DOCK6: variants seen among roughly 807,000 people sequenced by gnomAD.
DOCK6 encodes dedicator of cytokinesis 6, also known as dedicator of cytokinesis protein 6.
In DOCK6, 167 loss-of-function variants were observed where a neutral mutation model predicts 230.3. That is an observed-to-expected ratio of 0.73 (90% CI 0.64 to 0.82). The LOEUF is 0.82. Among genes scored for constraint, DOCK6 ranks in the 40% least tolerant of loss-of-function variants. The pLI is 0.00. For synonymous variants in DOCK6, 1,148 were observed against 1,185.0 expected (o/e 0.97, Z 0.64); for missense variants, 2,598 against 2,825.8 (o/e 0.92, Z 1.83).
chr19:11,228,486 T>A (rs2079705901), intron 23 of DOCK6, among the ~76,000 whole-genome samples: 1 of 150,766 alleles, frequency 6.6e-6, no homozygotes, highest in Admixed American at 6.6e-5. Context: ...GCCTCTCACC[T>A]CCCTAGGTTG....
chr19:11,244,061 T>A (rs947759036), intron 9 of DOCK6, among the ~76,000 whole-genome samples, 179 bp from the exon 10 acceptor site: 3 of 152,242 alleles, frequency 2.0e-5, no homozygotes, highest in African/African-American at 7.2e-5. Context: ...AGTGTTGGCC[T>A]GCCTGGTGGC....
chr19:11,204,152 G>T, intron 40 of DOCK6, 48 bp downstream of exon 40: 1 of 1,533,008 alleles, frequency 6.5e-7, no homozygotes, highest in East Asian at 2.5e-5. Flanking sequence ...GAGTGGGGAT[G>T]AGGAGTGGGG....
chr19:11,201,787 A>C lies in DOCK6; in HGVS notation c.5688+102T>G. On this transcript the variant is annotated intron_variant, in intron 44 of 47. Transcript: ENST00000294618. The surrounding 1 kb of genome is among the most constrained non-coding windows in gnomAD (Gnocchi z 4.3). ...CCCTCTCTGGGTCTGAGGTCCGTGA[A>C]CCACCTTGGGTCTGGGTCCCTGTGT... The C allele has an allele frequency of 2.6e-6, 3 of 1,150,768 alleles. No individual in the cohort carries two copies. Among genetic ancestry groups the C allele is most frequent in the Non-Finnish European group, 2.4e-6 (2 of 818,252 alleles). 71.3% of individuals were successfully genotyped at this position (1,150,768 alleles called of 1,614,324 possible). A position where few individuals can be genotyped will look rare whatever the true frequency, so the allele number is the denominator to read the frequency against.
Position 11,200,660 on chromosome 19 carries a change from C to T in DOCK6, c.5939+56G>A. On this transcript the variant is annotated intron_variant, in intron 46 of 47. Coordinates refer to ENST00000294618, the MANE Select transcript of DOCK6 (RefSeq NM_020812.4). The surrounding 1 kb of genome is among the most constrained non-coding windows in gnomAD (Gnocchi z 4.3). ...ATGCAGAGATCAGATGGGCAGAGAGCAGGCCTATGCAGGTTAGGCAGACAC... is the reference window on the plus strand; with the variant it reads ...ATGCAGAGATCAGATGGGCAGAGAGTAGGCCTATGCAGGTTAGGCAGACAC... 6.5e-7 allele frequency: 1 copy of T among 1,527,832 alleles called. No individual in the cohort carries two copies. Among genetic ancestry groups the T allele is most frequent in the Non-Finnish European group, 8.9e-7 (1 of 1,126,002 alleles). The allele number at this position is 1,527,832 out of a possible 1,614,324, so 94.6% of individuals were successfully genotyped here.
chr19:11,199,591 T>C (rs2147683047), intron 47 of DOCK6, 52 bp from the exon 48 acceptor site: 5 of 1,535,244 alleles, frequency 3.3e-6, no homozygotes, highest in Non-Finnish European at 4.4e-6. Flanking sequence ...CCCAACTCCA[T>C]AGACCTCCCA....
At chr19:11,224,345 G>C (rs1482943386) in intron 24 of DOCK6, among the ~76,000 whole-genome samples, 3 of 151,520 alleles carry the variant, frequency 2.0e-5, no homozygotes, top group African/African-American at 7.3e-5. Context: ...TGAGTAGCTG[G>C]GATTACAGGT....
intron 14 of DOCK6, chr19:11,240,313 A>T (rs1349786966): frequency 6.5e-7 from 1 of 1,538,722 alleles, no homozygotes; most frequent in South Asian, 1.2e-5. Flanking sequence ...AGCTCCCCCA[A>T]CCCTAGTGGG....
rs145758555 is a variant in DOCK6 at position 11,260,949 on chromosome 19, T to C, written c.44+1448A>G. Among the ~76,000 whole-genome samples the C allele has an allele frequency of 9.9e-5, 13 of 131,830 alleles. No individual in the cohort carries two copies. The East Asian group carries it at 2.7e-3, about 28-fold the overall frequency. The allele number at this position is 131,830 out of a possible 152,430, so 86.5% of individuals were successfully genotyped here. The stretch of plus-strand genomic sequence containing the variant: ...GGAAAGAAAAAGAAACAGACAGCAA[T>C]AATGTTTGCAGCCTCAAAGACGCCA... On this transcript the variant is annotated intron_variant, in intron 1 of 47. Coordinates refer to ENST00000294618, the MANE Select transcript of DOCK6 (RefSeq NM_020812.4).
intron 14 of DOCK6, among the ~76,000 whole-genome samples, chr19:11,240,910 A>G (rs553358823): frequency 8.5e-4 from 129 of 151,870 alleles, no homozygotes; most frequent in Non-Finnish European, 1.6e-3. Flanking sequence ...ACATTTTGTG[A>G]GCACCCAGTA....
At chr19:11,241,823 A>G (rs1026382716) in intron 14 of DOCK6, 1 of 1,433,938 alleles carries the variant, frequency 7.0e-7, no homozygotes, top group Admixed American at 2.0e-5. Context: ...AGCACAGAGC[A>G]GAGACAGACG....
Position 11,243,507 on chromosome 19 carries a change from C to T in DOCK6, c.1258+50G>A. 1 of 1,553,446 alleles carries T rather than the reference C, an allele frequency of 6.4e-7. No homozygotes were observed. Among genetic ancestry groups the T allele is most frequent in the Non-Finnish European group, 8.7e-7 (1 of 1,150,328 alleles). On this transcript the variant is annotated intron_variant, in intron 11 of 47. Transcript: ENST00000294618. The surrounding 1 kb of genome is among the most constrained non-coding windows in gnomAD (Gnocchi z 6.3). Reference sequence around the variant, plus strand: ...CCCCGTAGCCCCGCCCCAGGCCTGTCAGCACCACCCTTTAGCCCCGCCCCA... The same window carrying T: ...CCCCGTAGCCCCGCCCCAGGCCTGTTAGCACCACCCTTTAGCCCCGCCCCA...
Position 11,235,763 on chromosome 19 carries a change from C to A in DOCK6, c.2393-4G>T. 6.3e-7 allele frequency: 1 copy of A among 1,581,914 alleles called. No individual in the cohort carries two copies. The highest frequency in any genetic ancestry group is 8.6e-7 in the Non-Finnish European group (1 of 1,162,302). The stretch of plus-strand genomic sequence containing the variant: ...AAGGCTCCACGGCCCAGGTTCACTG[C>A]AGGGCAGAGCAGAGGTCAAGTTCCA... On this transcript the variant is annotated splice_polypyrimidine_tract_variant and splice_region_variant and intron_variant, in intron 20 of 47. Transcript: ENST00000294618.
intron 24 of DOCK6, among the ~76,000 whole-genome samples, chr19:11,224,178 A>G (rs896599997): frequency 7.0e-6 from 1 of 142,686 alleles, no homozygotes; most frequent in African/African-American, 2.7e-5. Flanking sequence ...CAATGGCAAA[A>G]ACTGTAATTA....
intron 1 of DOCK6, among the ~76,000 whole-genome samples, chr19:11,254,296 T>G (rs1245680636): frequency 1.3e-5 from 2 of 152,336 alleles, no homozygotes; most frequent in Admixed American, 1.3e-4. Flanking sequence ...GAGGTCAACC[T>G]GGCCTGCGGG....
chr19:11,220,610 G>A (rs1260620950), intron 28 of DOCK6, among the ~76,000 whole-genome samples: 2 of 152,102 alleles, frequency 1.3e-5, no homozygotes, highest in Non-Finnish European at 2.9e-5. Context: ...CAAGGGATGA[G>A]GCAGGAAAAT....
chr19:11,210,659 C>T (rs79173543), intron 37 of DOCK6, among the ~76,000 whole-genome samples: 57 of 148,718 alleles, frequency 3.8e-4, no homozygotes, highest in East Asian at 2.3e-3. Flanking sequence ...TCCATTCCTT[C>T]GCCTGTCTAT....
At position 11,241,910 on chromosome 19, in the gene DOCK6, A is replaced by G; in HGVS notation, c.1643+135T>C. ...AGGACATGTACCCTTTCATGCCTAC[A>G]CACCCCTCATTAAAGCAGAGTCGTG... is the stretch of plus-strand genomic sequence containing the variant. On this transcript the variant is annotated intron_variant, in intron 14 of 47. Transcript: ENST00000294618. 3.8e-6 allele frequency: 5 copies of G among 1,298,778 alleles called. No homozygotes were observed. The South Asian group carries it at 7.0e-5, about 18-fold the overall frequency. 80.5% of individuals were successfully genotyped at this position (1,298,778 alleles called of 1,614,324 possible).
Position 11,201,097 on chromosome 19 carries a change from G to C in DOCK6, c.5689-45C>G. On this transcript the variant is annotated intron_variant, in intron 44 of 47. Coordinates refer to ENST00000294618, the MANE Select transcript of DOCK6 (RefSeq NM_020812.4). The surrounding 1 kb of genome is among the most constrained non-coding windows in gnomAD (Gnocchi z 4.3). ...GTGTGTACTCGCTGGGGCCTGAGGA[G>C]GTCCTGATCGAAGCCAGTCGGGGGC... 2 of 1,605,028 alleles carry C rather than the reference G, an allele frequency of 1.2e-6. No homozygotes were observed. Among genetic ancestry groups the C allele is most frequent in the Non-Finnish European group, 1.7e-6 (2 of 1,177,016 alleles).
intron 24 of DOCK6, among the ~76,000 whole-genome samples, chr19:11,224,190 TTTTCTTTC>T (rs199688091): frequency 6.2e-5 from 9 of 146,326 alleles, no homozygotes; most frequent in Non-Finnish European, 8.9e-5. Flanking sequence ...CTGTAATTAC[TTTTCTTTC>T]TTTCTTTCTT....
Sources: gnomAD v4.1 joint callset for allele counts (sites outside exome capture counted in the v4.1 genomes callset) on GRCh38, gnomAD v4.1.1 for gene constraint, Gnocchi (gnomAD v3.1) non-coding constraint, MANE v1.5 for transcripts, NCBI Gene and HGNC (gene_info 2026-07-23, HGNC 2026-07-21) for gene names.